Variants in SIGLEC1 observed in about 807,000 individuals in gnomAD.
The protein encoded by SIGLEC1 is sialoadhesin.
In SIGLEC1, 132 loss-of-function variants were observed where a neutral mutation model predicts 148.0. That is an observed-to-expected ratio of 0.89 (90% confidence interval 0.77 to 1.03). SIGLEC1 has a LOEUF of 1.03. Among genes scored for constraint, SIGLEC1 ranks in the 50% least tolerant of loss-of-function variants. The pLI, the probability that SIGLEC1 is intolerant of heterozygous loss-of-function variation, is 0.00. For missense variants in SIGLEC1, 2,253 were observed against 2,271.4 expected (o/e 0.99, Z 0.16); for synonymous variants, 945 against 969.0 (o/e 0.98, Z 0.46).
intron 4 of SIGLEC1, among the ~76,000 whole-genome samples, chr20:3,704,564 A>C (rs1454520001): frequency 6.6e-6 from 1 of 152,244 alleles, no homozygotes; most frequent in Admixed American, 6.5e-5. Context: ...CAACACAAAG[A>C]ACTGCATTTC....
Position 3,697,287 on chromosome 20 carries a change from G to A in SIGLEC1, c.2178C>T (p.Asn726=). The change falls in exon 10 of 22, where the codon AAC becomes AAT. Residue 726 remains asparagine (N), a synonymous_variant. Transcript: ENST00000344754. Reference sequence around the variant, plus strand: ...CTTCCCGGCTCACGTTGCAAGTCAAGTTGGCTTCTGTGCCCTCCTGAAGTG... The same window carrying A: ...CTTCCCGGCTCACGTTGCAAGTCAAATTGGCTTCTGTGCCCTCCTGAAGTG... ...SHTLQEGTEA[N]LTCNVSREAA... The A allele has an allele frequency of 1.2e-6, 2 of 1,614,004 alleles. No individual in the cohort carries two copies. The highest frequency in any genetic ancestry group is 1.1e-5 in the South Asian group (1 of 91,088).
At position 3,703,014 on chromosome 20, in the gene SIGLEC1, A is replaced by C. The variant is rs538933681; in HGVS notation, c.1228+183T>G. On this transcript the variant is annotated intron_variant, in intron 6 of 21. Transcript: ENST00000344754. ...ATAAGTTTAAACTTCCAAATATAAA[A>C]TAGGAGGGAACTAGGGAGGTCAAAG... 6.7e-4 allele frequency: 407 copies of C among 606,234 alleles called. 1 individual carries two copies. Among genetic ancestry groups the C allele is most frequent in the Non-Finnish European group, 9.2e-4 (321 of 350,250 alleles). The allele number at this position is 606,234 out of a possible 1,614,324, so 37.6% of individuals were successfully genotyped here.
chr20:3,689,736 G>C, intron 19 of SIGLEC1, 34 bp from the exon 20 acceptor site: 5 of 1,528,050 alleles, frequency 3.3e-6, no homozygotes, highest in Non-Finnish European at 4.4e-6. Flanking sequence ...AGCAGCCACA[G>C]CTGCAGGCCC....
chr20:3,700,560 G>GGCAACAGA (rs2087842604), intron 7 of SIGLEC1, among the ~76,000 whole-genome samples: 1 of 151,866 alleles, frequency 6.6e-6, no homozygotes, highest in African/African-American at 2.4e-5. Flanking sequence ...CTCCGGCCTG[G>GGCAACAGA]GCAACAGAGC....
chr20:3,694,827 G>A lies in SIGLEC1; in HGVS notation c.2780C>T (p.Ser927Leu). Reference sequence around the variant, plus strand: ...CTGGCCATCCCGATACCAACGATATGAGGTCCCCTCTGGGACTCCTGTGTG... The same window carrying A: ...CTGGCCATCCCGATACCAACGATATAAGGTCCCCTCTGGGACTCCTGTGTG... ...QVHTGVPEGT[S>L]YRWYRDGQPL... Residue 927 changes from serine (S) to leucine (L), a missense_variant, in exon 12 of 22, where the codon TCA becomes TTA. Ser to Leu is a moderately radical substitution (Grantham distance 145). Transcript: ENST00000344754. The A allele has an allele frequency of 6.2e-7, 1 of 1,613,538 alleles. No homozygotes were observed.
At position 3,696,604 on chromosome 20, in the gene SIGLEC1, G is replaced by A. The variant is rs781776084; in HGVS notation, c.2665C>T (p.Leu889Phe). Residue 889 changes from leucine to phenylalanine, a missense_variant, in exon 11 of 22, where the codon CTC becomes TTC. Coordinates refer to ENST00000344754, the MANE Select transcript of SIGLEC1 (RefSeq NM_023068.4). Reference protein sequence around the residue: ...TNVLGSSNTSLFFQVRGAWVQ... With the variant: ...TNVLGSSNTSFFFQVRGAWVQ... ...CACTCACCTCGGACCTGGAAGAAGA[G>A]TGAGGTGTTGGATGATCCAAGAACA... 1.2e-5 allele frequency: 19 copies of A among 1,610,708 alleles called. No homozygotes were observed. Among genetic ancestry groups the A allele is most frequent in the Non-Finnish European group, 1.1e-5 (13 of 1,177,916 alleles).
chr20:3,697,830 T>C lies in SIGLEC1; in HGVS notation c.2090A>G (p.Asn697Ser). The C allele has an allele frequency of 6.2e-7, 1 of 1,612,848 alleles. No individual in the cohort carries two copies. Among genetic ancestry groups the C allele is most frequent in the Non-Finnish European group, 8.5e-7 (1 of 1,179,948 alleles). ...YLCEASNALG[N>S]ASTSATFNGQ... ...ATTGAAGGTGGCTGAGGTGGAGGCG[T>C]TGCCCAGGGCATTGCTGGCCTCACA... The change falls in exon 9 of 22, where the codon AAC (asparagine) becomes AGC (serine). Residue 697 changes from asparagine (N) to serine (S), a missense_variant. Transcript: ENST00000344754.
At chr20:3,712,351 C>G (rs1157340298) in intron 1 of SIGLEC1, among the ~76,000 whole-genome samples, 119 bp downstream of exon 1, 1 of 144,998 alleles carries the variant, frequency 6.9e-6, no homozygotes, top group Non-Finnish European at 1.5e-5. Flanking sequence ...GTCCACCACT[C>G]GCACCCAGAT....
rs530574937 is a variant in SIGLEC1 at position 3,697,854 on chromosome 20, C to G, written c.2066G>C (p.Cys689Ser). The change falls in exon 9 of 22, where the codon TGT (cysteine) becomes TCT (serine). Residue 689 changes from cysteine to serine, a missense_variant. Physicochemically the swap from Cys to Ser is moderately radical, Grantham distance 112. Coordinates refer to ENST00000344754, the MANE Select transcript of SIGLEC1 (RefSeq NM_023068.4). ...PLLEEEGLYL[C>S]EASNALGNAS... ...GTTGCCCAGGGCATTGCTGGCCTCACAGAGGTACAAGCCCTCCTCTTCCAG... is the reference window on the plus strand; with the variant it reads ...GTTGCCCAGGGCATTGCTGGCCTCAGAGAGGTACAAGCCCTCCTCTTCCAG... 6.2e-7 allele frequency: 1 copy of G among 1,613,074 alleles called. No homozygotes were observed. The highest frequency in any genetic ancestry group is 1.7e-5 in the Admixed American group (1 of 60,004).
rs1458236229 is a variant in SIGLEC1, at chr20:3,693,096, C to T, written c.3544G>A (p.Glu1182Lys). The T allele has an allele frequency of 6.3e-7, 1 of 1,590,632 alleles. No individual in the cohort carries two copies. Among genetic ancestry groups the T allele is most frequent in the Non-Finnish European group, 8.5e-7 (1 of 1,170,940 alleles). ...PRNLRLTYLL[E>K]SHGGQLALVL... is the part of the protein sequence containing the mutation. ...AGGGCCAGCTGCCCGCCATGGCTCT[C>T]CAGGAGGTAGGTCAGGCGCAGGTTG... Residue 1182 changes from glutamate to lysine, a missense_variant, in exon 15 of 22, where the codon GAG becomes AAG. Glu to Lys is a moderately conservative substitution (Grantham distance 56). Transcript: ENST00000344754.
Position 3,710,869 on chromosome 20 carries a change from C to G in SIGLEC1, c.-110+1601G>C, listed in dbSNP as rs781209593. The stretch of plus-strand genomic sequence containing the variant: ...CTAACCCCAAAGGGGTCAGCCCCAC[C>G]GGAATCCAGCCTATTGGCTCAGCCT... On this transcript the variant is annotated intron_variant, in intron 1 of 21. Transcript: ENST00000344754. The surrounding 1 kb of genome is among the most constrained non-coding windows in gnomAD (Gnocchi z 4.6). Among the ~76,000 whole-genome samples the G allele has an allele frequency of 6.6e-6, 1 of 152,204 alleles. No homozygotes were observed. Among genetic ancestry groups the G allele is most frequent in the Non-Finnish European group, 1.5e-5 (1 of 68,042 alleles).
At position 3,689,605 on chromosome 20, in the gene SIGLEC1, G is replaced by A. The variant is rs1360630599; in HGVS notation, c.4992C>T (p.Thr1664=). The change falls in exon 20 of 22, where the codon ACC becomes ACT. Residue 1664 remains threonine, a synonymous_variant. Transcript: ENST00000344754. ...ACTCCCAGCTCCAGACCCACCTCCA[G>A]GTGTAGCAGGCCCCCAGGCCCAACA... ...LLLLGLGACY[T]WRRRRVCKQS... is the part of the protein sequence containing the mutation. The A allele has an allele frequency of 1.3e-6, 2 of 1,575,196 alleles. No homozygotes were observed. The highest frequency in any genetic ancestry group is 1.3e-5 in the African/African-American group (1 of 74,236).
chr20:3,706,825 C>T, intron 2 of SIGLEC1, 119 bp from the exon 3 acceptor site: 1 of 1,270,402 alleles, frequency 7.9e-7, no homozygotes, highest in Non-Finnish European at 1.1e-6. Flanking sequence ...TCTGCCCTGC[C>T]CCGAGAAATG....
intron 2 of SIGLEC1, among the ~76,000 whole-genome samples, 153 bp from the exon 3 acceptor site, chr20:3,706,859 G>T (rs1186001431): frequency 6.6e-6 from 1 of 152,204 alleles, no homozygotes; most frequent in Non-Finnish European, 1.5e-5. Context: ...GCCCTTCTCA[G>T]TGCCCCAGGG....
Position 3,687,991 on chromosome 20 carries a change from G to C in SIGLEC1, c.*569C>G, listed in dbSNP as rs1399767346. The C allele has an allele frequency of 6.2e-6, 1 of 161,844 alleles. No individual in the cohort carries two copies. Among genetic ancestry groups the C allele is most frequent in the East Asian group, 1.9e-4 (1 of 5,344 alleles). The allele number at this position is 161,844 out of a possible 1,614,324, so 10.0% of individuals were successfully genotyped here. On this transcript the variant is annotated 3_prime_UTR_variant, in exon 22 of 22. Transcript: ENST00000344754. Reference sequence around the variant, plus strand: ...CATGTGGACAAAGCGGGGCCATGGTGAGCCTCACAATCAAAGGCATCATTT... The same window carrying C: ...CATGTGGACAAAGCGGGGCCATGGTCAGCCTCACAATCAAAGGCATCATTT...
chr20:3,712,003 T>G (rs2087931264), intron 1 of SIGLEC1, among the ~76,000 whole-genome samples: 1 of 149,700 alleles, frequency 6.7e-6, no homozygotes, highest in African/African-American at 2.5e-5. Context: ...GAGTGATGGG[T>G]GGGGGTAAGG....
rs766048790 is a variant in SIGLEC1, at chr20:3,710,192, G to T, written c.-110+2278C>A. ...TGACCTCCCAGCTCCCAGCCCATCC[G>T]CCTCAGGGGCTGGGCTCAGCAGATT... On this transcript the variant is annotated intron_variant, in intron 1 of 21. Transcript: ENST00000344754. The surrounding 1 kb of genome is among the most constrained non-coding windows in gnomAD (Gnocchi z 4.6). Among the ~76,000 whole-genome samples the T allele has an allele frequency of 6.6e-6, 1 of 152,066 alleles. No individual in the cohort carries two copies. Among genetic ancestry groups the T allele is most frequent in the Non-Finnish European group, 1.5e-5 (1 of 67,998 alleles).
At chr20:3,700,386 G>T (rs1033358546) in intron 7 of SIGLEC1, among the ~76,000 whole-genome samples, 1 of 151,858 alleles carries the variant, frequency 6.6e-6, no homozygotes, top group African/African-American at 2.4e-5. Flanking sequence ...CCAAAGTGCT[G>T]GAATTACAGG....
chr20:3,709,169 T>C (rs2087916029), intron 1 of SIGLEC1, among the ~76,000 whole-genome samples: 1 of 150,606 alleles, frequency 6.6e-6, no homozygotes. Context: ...AAAGGACTAA[T>C]ATCCAGAATA....
Sources: allele counts gnomAD v4.1 joint callset (sites outside exome capture counted in the v4.1 genomes callset), GRCh38; gene constraint gnomAD v4.1.1; non-coding constraint Gnocchi (gnomAD v3.1); transcripts MANE v1.5; gene names NCBI Gene and HGNC (gene_info 2026-07-23, HGNC 2026-07-21).